Variants in KCNQ3 observed in about 807,000 individuals in gnomAD.
The protein encoded by KCNQ3 is potassium voltage-gated channel subfamily Q member 3, also known as potassium voltage-gated channel subfamily KQT member 3.
KCNQ3 carries 30 observed loss-of-function variants against 92.5 expected under a neutral mutation model. The ratio of observed to expected loss-of-function variants is 0.32; its 90% confidence interval spans 0.24 to 0.44. The LOEUF is 0.44. KCNQ3 is among the 20% of genes least tolerant of loss of function. The probability of loss-of-function intolerance (pLI) is 1.00; values close to 1 mark genes in which losing one functional copy is unlikely to be tolerated. For synonymous variants in KCNQ3, 450 were observed against 468.8 expected, an observed-to-expected ratio of 0.96 and a Z score of 0.52; for missense variants, 913 against 1,140.3, an observed-to-expected ratio of 0.80 and a Z score of 2.87.
rs183613442 is a variant in KCNQ3 at position 132,186,871 on chromosome 8, T to G, written c.387-690A>C. Among the ~76,000 whole-genome samples, 127 of 150,822 alleles carry G rather than the reference T, an allele frequency of 8.4e-4. 1 individual carries two copies. Among genetic ancestry groups the G allele is most frequent in the African/African-American group, 3.1e-3 (126 of 40,868 alleles). The stretch of plus-strand genomic sequence containing the variant: ...TCAGGCAGGAGTGAACTACAAACAA[T>G]TTTTTAAGATTGTTATCTTTATAAA... On this transcript the variant is annotated intron_variant, in intron 1 of 14. Coordinates refer to ENST00000388996, the MANE Select transcript of KCNQ3 (RefSeq NM_004519.4).
intron 1 of KCNQ3, among the ~76,000 whole-genome samples, chr8:132,270,940 T>A (rs1008668690): frequency 2.0e-5 from 3 of 152,236 alleles, no homozygotes; most frequent in African/African-American, 7.2e-5. Flanking sequence ...ACATTAAAAT[T>A]TGGGAAGTGC....
chr8:132,191,016 A>G (rs1827138627), intron 1 of KCNQ3, among the ~76,000 whole-genome samples: 1 of 152,228 alleles, frequency 6.6e-6, no homozygotes, highest in Non-Finnish European at 1.5e-5. Flanking sequence ...ATGAATACAA[A>G]CAATTTCAGC....
rs187509956 is a variant in KCNQ3, at chr8:132,151,527, C to T, written c.1263-10196G>A. On this transcript the variant is annotated intron_variant, in intron 9 of 14. Transcript: ENST00000388996. The stretch of plus-strand genomic sequence containing the variant: ...TACAAAAGGGTATTATATGGTTTTT[C>T]TGTAAATTGAGCATTAAAATAAAAG... 5.9e-3 allele frequency among the ~76,000 whole-genome samples: 899 copies of T among 152,248 alleles called. 10 individuals are homozygous for T. Among genetic ancestry groups the T allele is most frequent in the African/African-American group, 0.021 (862 of 41,544 alleles).
Position 132,279,888 on chromosome 8 carries a change from T to C in KCNQ3, c.387-93707A>G, listed in dbSNP as rs115228856. 3.5e-3 allele frequency among the ~76,000 whole-genome samples: 540 copies of C among 152,146 alleles called. 3 individuals are homozygous for C. The highest frequency in any genetic ancestry group is 0.012 in the African/African-American group (510 of 41,534). ...TGTGTGTGTATATATATATTTGAGA[T>C]AGTTCTGGGCTTCTCAAGGGAGATC... is the stretch of plus-strand genomic sequence containing the variant. On this transcript the variant is annotated intron_variant, in intron 1 of 14. Transcript: ENST00000388996.
chr8:132,261,873 T>C lies in KCNQ3; in HGVS notation c.387-75692A>G, dbSNP rs143636233. Among the ~76,000 whole-genome samples the C allele has an allele frequency of 1.5e-3, 222 of 152,326 alleles. 1 individual carries two copies. The highest frequency in any genetic ancestry group is 5.3e-3 in the African/African-American group (219 of 41,568). ...CAGTGAGGTAAATGAGACACTCACT[T>C]TGGGCACAAAGTTTAAGAGGGTACT... On this transcript the variant is annotated intron_variant, in intron 1 of 14. Coordinates refer to ENST00000388996, the MANE Select transcript of KCNQ3 (RefSeq NM_004519.4).
chr8:132,480,455 A>AGCCGCCCCGCCGCCTCC lies in KCNQ3; in HGVS notation c.61_77dup (p.Asn27GlufsTer73), dbSNP rs1174348338. 1.1e-5 allele frequency: 14 copies of AGCCGCCCCGCCGCCTCC among 1,310,234 alleles called. No individual in the cohort carries two copies. Among genetic ancestry groups the AGCCGCCCCGCCGCCTCC allele is most frequent in the Non-Finnish European group, 1.4e-5 (14 of 1,032,526 alleles). 81.2% of individuals were successfully genotyped at this position (1,310,234 alleles called of 1,614,324 possible). A position where few individuals can be genotyped will look rare whatever the true frequency, so the allele number is the denominator to read the frequency against. ...CCGCCGCGTCCCCTCCGGCTGGGTT[A>AGCCGCCCCGCCGCCTCC]GCCGCCCCGCCGCCTCCGCCGCCCC... On this transcript the variant is annotated frameshift_variant, in exon 1 of 15. Transcript: ENST00000388996. LOFTEE classifies it high-confidence loss of function.
chr8:132,170,744 G>A (rs62519569), intron 7 of KCNQ3, among the ~76,000 whole-genome samples: 7,752 of 151,894 alleles, frequency 0.051, 312 homozygotes, highest in Non-Finnish European at 0.074. Flanking sequence ...CGGTGCTATG[G>A]CTCACGCCTG....
chr8:132,466,779 T>C lies in KCNQ3; in HGVS notation c.386+13368A>G, dbSNP rs536660157. On this transcript the variant is annotated intron_variant, in intron 1 of 14. Transcript: ENST00000388996. Reference sequence around the variant, plus strand: ...TGAAAAAATCTTACTCTTTTTATACTTTATATAGCAAGCCCATATAAACAC... The same window carrying C: ...TGAAAAAATCTTACTCTTTTTATACCTTATATAGCAAGCCCATATAAACAC... 4.6e-5 allele frequency among the ~76,000 whole-genome samples: 7 copies of C among 152,326 alleles called. No individual in the cohort carries two copies. In the South Asian group the frequency reaches 1.4e-3, roughly 32 times the overall value.
intron 1 of KCNQ3, among the ~76,000 whole-genome samples, chr8:132,351,971 G>C (rs1818881068): frequency 6.6e-6 from 1 of 152,174 alleles, no homozygotes; most frequent in Non-Finnish European, 1.5e-5. Flanking sequence ...AGCAGGGAAG[G>C]AAGTCAGCAG....
intron 1 of KCNQ3, among the ~76,000 whole-genome samples, chr8:132,312,554 T>G (rs904965110): frequency 6.6e-6 from 1 of 152,198 alleles, no homozygotes; most frequent in Admixed American, 6.5e-5. Flanking sequence ...TGATATGGTT[T>G]GGCTCTGTGT....
intron 1 of KCNQ3, among the ~76,000 whole-genome samples, chr8:132,355,842 A>T (rs919845268): frequency 6.6e-6 from 1 of 152,228 alleles, no homozygotes; most frequent in Non-Finnish European, 1.5e-5. Context: ...TTCACCTACC[A>T]GAGTCCCTCA....
intron 1 of KCNQ3, among the ~76,000 whole-genome samples, chr8:132,238,137 C>G (rs2130394867): frequency 6.6e-6 from 1 of 152,274 alleles, no homozygotes; most frequent in South Asian, 2.1e-4. Context: ...TCCCAATAAG[C>G]ACATTCCTTT....
In KCNQ3 at chr8:132,126,244, T is replaced by C. The variant is rs773964477; in HGVS notation, c.*3018A>G. 6.6e-6 allele frequency: 1 copy of C among 152,224 alleles called. No individual in the cohort carries two copies. Among genetic ancestry groups the C allele is most frequent in the Non-Finnish European group, 1.5e-5 (1 of 68,034 alleles). 9.4% of individuals were successfully genotyped at this position (152,224 alleles called of 1,614,324 possible). ...AGAACGACTAGTATATCTGTGGTCA[T>C]GTCATCTTGGGTCATGTTAACCAGT... On this transcript the variant is annotated 3_prime_UTR_variant, in exon 15 of 15. Transcript: ENST00000388996.
At chr8:132,391,587 A>T (rs1479073539) in intron 1 of KCNQ3, among the ~76,000 whole-genome samples, 1 of 152,192 alleles carries the variant, frequency 6.6e-6, no homozygotes, top group Non-Finnish European at 1.5e-5. Flanking sequence ...ACTACTCTGC[A>T]AGGATACACT....
intron 1 of KCNQ3, among the ~76,000 whole-genome samples, chr8:132,269,049 G>A (rs1816073827): frequency 6.6e-6 from 1 of 152,128 alleles, no homozygotes; most frequent in Non-Finnish European, 1.5e-5. Context: ...CTTTGGTGAG[G>A]TGTCTATTAA....
intron 1 of KCNQ3, among the ~76,000 whole-genome samples, chr8:132,200,176 C>T (rs1827415735): frequency 6.6e-6 from 1 of 152,144 alleles, no homozygotes; most frequent in Non-Finnish European, 1.5e-5. Flanking sequence ...ATGTTTATAT[C>T]TATATCATAT....
At chr8:132,213,195 G>T (rs765933480) in intron 1 of KCNQ3, among the ~76,000 whole-genome samples, 14 of 151,862 alleles carry the variant, frequency 9.2e-5, no homozygotes, top group Non-Finnish European at 1.5e-5. Flanking sequence ...AGCCCATAAC[G>T]CCAGCCACTG....
chr8:132,129,575 G>T lies in KCNQ3; in HGVS notation c.2306C>A (p.Pro769His), dbSNP rs114095081. Residue 769 changes from proline (P) to histidine (H), a missense_variant, in exon 15 of 15, where the codon CCC (proline) becomes CAC (histidine). By Grantham distance (77) the Pro-to-His change is moderately conservative. Coordinates refer to ENST00000388996, the MANE Select transcript of KCNQ3 (RefSeq NM_004519.4). The surrounding 1 kb of genome is among the most constrained non-coding windows in gnomAD (Gnocchi z 5.9). ...SCHSQADLQGPYSDRISPRQR... is the reference protein window; with the variant it reads ...SCHSQADLQGHYSDRISPRQR... ...CCGGGGGGAGATTCGGTCCGAGTAG[G>T]GGCCCTGCAGGTCAGCCTGGGAGTG... 1.8e-3 allele frequency: 2,899 copies of T among 1,614,174 alleles called. 28 individuals carry two copies. In the African/African-American group the frequency reaches 0.021, roughly 12 times the overall value.
intron 1 of KCNQ3, among the ~76,000 whole-genome samples, chr8:132,361,639 G>GCATT (rs1306423671): frequency 6.6e-5 from 10 of 152,074 alleles, no homozygotes; most frequent in African/African-American, 2.4e-4. Context: ...ATGTAAAAGG[G>GCATT]TCAACATTAA....
Sources: gnomAD v4.1 joint callset for allele counts (sites outside exome capture counted in the v4.1 genomes callset) on GRCh38, gnomAD v4.1.1 for gene constraint, Gnocchi (gnomAD v3.1) non-coding constraint, MANE v1.5 for transcripts, NCBI Gene and HGNC (gene_info 2026-07-23, HGNC 2026-07-21) for gene names.